ZNF709: variants seen among roughly 807,000 people sequenced by gnomAD.
The protein encoded by ZNF709 is zinc finger protein 709.
ZNF709 carries 15 observed loss-of-function variants against 10.6 expected under a neutral mutation model. The ratio of observed to expected loss-of-function variants is 1.41; its 90% CI spans 0.95 to 2.18. The LOEUF is 2.18. Ranked by LOEUF, ZNF709 falls within the 30% of genes most tolerant of loss-of-function variation. ZNF709 has a pLI of 0.00. For synonymous variants in ZNF709, 194 were observed against 238.8 expected, an observed-to-expected ratio of 0.81 and a Z score of 1.73; for missense variants, 589 against 774.0, an observed-to-expected ratio of 0.76 and a Z score of 2.84.
chr19:12,484,119 A>C (rs1330356570), intron 1 of ZNF709, among the ~76,000 whole-genome samples: 2 of 152,226 alleles, frequency 1.3e-5, no homozygotes, highest in Non-Finnish European at 2.9e-5. Context: ...TGTGAACTGG[A>C]GAGAAGACAT....
chr19:12,471,690 T>C (rs115565060), intron 1 of ZNF709, among the ~76,000 whole-genome samples: 70 of 152,278 alleles, frequency 4.6e-4, no homozygotes, highest in African/African-American at 1.6e-3. Flanking sequence ...AGAGCAACCA[T>C]TGTAGGGTAG....
chr19:12,468,704 A>G (rs1199269889), intron 1 of ZNF709, among the ~76,000 whole-genome samples: 3 of 152,128 alleles, frequency 2.0e-5, no homozygotes, highest in Admixed American at 6.5e-5. Flanking sequence ...AAAAAAAAAA[A>G]AAAGAAATGC....
intron 1 of ZNF709, among the ~76,000 whole-genome samples, chr19:12,467,327 G>A (rs1970582297): frequency 6.6e-6 from 1 of 152,206 alleles, no homozygotes; most frequent in Non-Finnish European, 1.5e-5. Context: ...TTTTTTGGTG[G>A]AGACGGGGTT....
intron 1 of ZNF709, among the ~76,000 whole-genome samples, chr19:12,479,667 G>A (rs1401587099): frequency 2.0e-5 from 3 of 151,962 alleles, no homozygotes; most frequent in Non-Finnish European, 4.4e-5. Context: ...TCAGGAAATC[G>A]AGACCATCCT....
chr19:12,465,447 C>T lies in ZNF709; in HGVS notation c.475G>A (p.Glu159Lys). ...GGTTTCTCTCCAGTGTGAGTTCTTT[C>T]ATGTATTCGAAATGAACTTCGAAAG... The part of the protein sequence containing the change: ...FSFRSSFRIH[E>K]RTHTGEKPYK... The change falls in exon 4 of 4, where the codon GAA becomes AAA. Residue 159 changes from glutamate to lysine, a missense_variant. By Grantham distance (56) the Glu-to-Lys change is moderately conservative. This residue lies in a region of ZNF709 where 418 missense variants were observed against 496.3 expected (regional missense o/e 0.84). Transcript: ENST00000397732. 6.2e-7 allele frequency: 1 copy of T among 1,611,730 alleles called. No individual in the cohort carries two copies. Among genetic ancestry groups the T allele is most frequent in the Non-Finnish European group, 8.5e-7 (1 of 1,179,186 alleles).
intron 1 of ZNF709, among the ~76,000 whole-genome samples, chr19:12,481,459 C>T (rs957640261): frequency 6.6e-5 from 10 of 152,078 alleles, no homozygotes; most frequent in Admixed American, 5.2e-4. Context: ...AGGCTGGTCT[C>T]GAACTTCTGA....
chr19:12,481,935 G>A (rs1426857071), intron 1 of ZNF709, among the ~76,000 whole-genome samples: 1 of 148,550 alleles, frequency 6.7e-6, no homozygotes, highest in Non-Finnish European at 1.5e-5. Context: ...GGGAAGGAAG[G>A]AAGGGGAAAG....
rs1175430189 is a variant in ZNF709 at position 12,466,530 on chromosome 19, G to A, written c.131-11C>T. 1.9e-6 allele frequency: 3 copies of A among 1,613,552 alleles called. No homozygotes were observed. In the South Asian group the frequency reaches 3.3e-5, roughly 18 times the overall value. On this transcript the variant is annotated splice_polypyrimidine_tract_variant and intron_variant, in intron 2 of 3. Transcript: ENST00000397732. The stretch of plus-strand genomic sequence containing the variant: ...CCTCCCAGTTTTCCCCTAAAATGCA[G>A]GCCCAGAAAAATCATTAAACCTATT...
intron 3 of ZNF709, 88 bp downstream of exon 3, chr19:12,466,374 T>C (rs765830261): frequency 1.5e-5 from 20 of 1,304,844 alleles, no homozygotes; most frequent in Non-Finnish European, 2.0e-5. Flanking sequence ...AAATGGGGCT[T>C]ATTTGTTTCA....
chr19:12,476,251 G>A (rs1338014856), intron 1 of ZNF709, among the ~76,000 whole-genome samples: 1 of 152,130 alleles, frequency 6.6e-6, no homozygotes, highest in Non-Finnish European at 1.5e-5. Context: ...AATTAGCCAG[G>A]TGTGGTGGTG....
chr19:12,484,412 A>G (rs946675995), intron 1 of ZNF709, among the ~76,000 whole-genome samples: 8 of 152,150 alleles, frequency 5.3e-5, no homozygotes, highest in African/African-American at 1.9e-4. Flanking sequence ...CTGCCCAGAG[A>G]GGGCTCCGGG....
Position 12,466,781 on chromosome 19 carries a change from G to A in ZNF709, c.73C>T (p.Gln25Ter), listed in dbSNP as rs767139615. 8 of 1,614,016 alleles carry A rather than the reference G, an allele frequency of 5.0e-6. No homozygotes were observed. The Admixed American group carries it at 5.0e-5, about 10-fold the overall frequency. The change falls in exon 2 of 4, where the codon CAG (glutamine) becomes TAG (stop). Residue 25 changes from glutamine (Q) to a stop codon, truncating the protein, a stop_gained. Coordinates refer to ENST00000397732, the MANE Select transcript of ZNF709 (RefSeq NM_152601.4). LOFTEE classifies it high-confidence loss of function. ...ATCACATCTCTGTAGAGTTTCTTCTGAGAGGGACCCAGCAAAGCCCACTCC... is the reference window on the plus strand; with the variant it reads ...ATCACATCTCTGTAGAGTTTCTTCTAAGAGGGACCCAGCAAAGCCCACTCC... ...QEEWALLGPS[Q>*]KKLYRDVMQE...
At position 12,463,362 on chromosome 19, in the gene ZNF709, A is replaced by AT. The variant is rs1970532523; in HGVS notation, c.*633dup. 6.6e-6 allele frequency: 1 copy of AT among 152,126 alleles called. No homozygotes were observed. The highest frequency in any genetic ancestry group is 1.5e-5 in the Non-Finnish European group (1 of 68,022). The allele number at this position is 152,126 out of a possible 1,614,324, so 9.4% of individuals were successfully genotyped here. A position where few individuals can be genotyped will look rare whatever the true frequency, so the allele number is the denominator to read the frequency against. On this transcript the variant is annotated 3_prime_UTR_variant, in exon 4 of 4. Transcript: ENST00000397732. ...CTAAGACAAATAAAGGTTTTTCTACATTTTTTACATTTATAGGGTTTTCCA... is the reference window on the plus strand; with the variant it reads ...CTAAGACAAATAAAGGTTTTTCTACATTTTTTTACATTTATAGGGTTTTCCA...
intron 1 of ZNF709, among the ~76,000 whole-genome samples, chr19:12,468,934 G>A (rs542208786): frequency 4.0e-5 from 6 of 151,898 alleles, no homozygotes; most frequent in South Asian, 2.1e-4. Flanking sequence ...TCTGCCTCCC[G>A]GGTTCACGCC....
intron 1 of ZNF709, among the ~76,000 whole-genome samples, chr19:12,481,593 T>C (rs1425504836): frequency 6.6e-6 from 1 of 152,028 alleles, no homozygotes; most frequent in Non-Finnish European, 1.5e-5. Flanking sequence ...TCGACTTACA[T>C]TTTCAAACCC....
At chr19:12,474,337 G>A (rs1447810866) in intron 1 of ZNF709, among the ~76,000 whole-genome samples, 2 of 152,112 alleles carry the variant, frequency 1.3e-5, no homozygotes, top group South Asian at 2.1e-4. Context: ...TGTCCCCTAC[G>A]TCCATCAATG....
intron 1 of ZNF709, among the ~76,000 whole-genome samples, chr19:12,473,521 C>G (rs772652916): frequency 1.2e-4 from 18 of 152,104 alleles, no homozygotes; most frequent in Non-Finnish European, 2.5e-4. Flanking sequence ...CAAAGCTCAC[C>G]TATAAATTTA....
At chr19:12,483,391 C>T (rs184649636) in intron 1 of ZNF709, among the ~76,000 whole-genome samples, 19 of 149,734 alleles carry the variant, frequency 1.3e-4, no homozygotes, top group Middle Eastern at 3.5e-3. Flanking sequence ...TGAGCTCAAG[C>T]GATCCTCCTG....
rs1970558694 is a variant in ZNF709 at position 12,465,248 on chromosome 19, T to A, written c.674A>T (p.Lys225Ile). The change falls in exon 4 of 4, where the codon AAA (lysine) becomes ATA (isoleucine). Residue 225 changes from lysine to isoleucine, a missense_variant. Lys to Ile is a moderately radical substitution (Grantham distance 102). Transcript: ENST00000397732. ...GAACGTTTTCCCGCATTCTTTACAT[T>A]TATAGGGTTTCTCCCCTGTGTGCAT... ...MRMHTGEKPYKCKECGKTFSH... is the reference protein window; with the variant it reads ...MRMHTGEKPYICKECGKTFSH... The A allele has an allele frequency of 6.2e-7, 1 of 1,612,832 alleles. No homozygotes were observed. Among genetic ancestry groups the A allele is most frequent in the Non-Finnish European group, 8.5e-7 (1 of 1,179,114 alleles).
Sources: gnomAD v4.1 joint callset for allele counts (sites outside exome capture counted in the v4.1 genomes callset) on GRCh38, gnomAD v4.1.1 for gene constraint, gnomAD v4.1.1 regional missense constraint, MANE v1.5 for transcripts, NCBI Gene and HGNC (gene_info 2026-07-23, HGNC 2026-07-21) for gene names.